Variants in GLRA3 observed in about 807,000 individuals in gnomAD.
GLRA3 encodes the protein glycine receptor alpha 3.
In GLRA3, 44 loss-of-function variants were observed where a neutral mutation model predicts 60.4. That is an observed-to-expected ratio of 0.73 (90% CI 0.57 to 0.94). The LOEUF is 0.94. Among genes scored for constraint, GLRA3 ranks in the 40% least tolerant of loss-of-function variants. The pLI is 0.00. For synonymous variants in GLRA3, 223 were observed against 192.9 expected (o/e 1.16, Z -1.29); for missense variants, 508 against 564.6 (o/e 0.90, Z 1.02).
chr4:174,717,352 AAAG>A (rs1479409760), intron 4 of GLRA3, among the ~76,000 whole-genome samples: 1 of 133,536 alleles, frequency 7.5e-6, no homozygotes, highest in Non-Finnish European at 1.7e-5. Flanking sequence ...AGGAGGGAGG[AAAG>A]AAAGAAGGAA....
Position 174,640,488 on chromosome 4 carries a change from C to G in GLRA3, c.*3298G>C, listed in dbSNP as rs1390080210. ...TGTTGTGTTGAGAAAAATAGAAAAGCATATTTTAAAAAGTGGAATAAAAAA... is the reference window on the plus strand; with the variant it reads ...TGTTGTGTTGAGAAAAATAGAAAAGGATATTTTAAAAAGTGGAATAAAAAA... On this transcript the variant is annotated 3_prime_UTR_variant, in exon 10 of 10. Coordinates refer to ENST00000274093, the MANE Select transcript of GLRA3 (RefSeq NM_006529.4). The G allele has an allele frequency of 6.6e-6, 1 of 151,846 alleles. No homozygotes were observed. Among genetic ancestry groups the G allele is most frequent in the Non-Finnish European group, 1.5e-5 (1 of 67,934 alleles). The allele number at this position is 151,846 out of a possible 1,614,324, so 9.4% of individuals were successfully genotyped here.
intron 1 of GLRA3, among the ~76,000 whole-genome samples, chr4:174,809,421 A>G (rs960551640): frequency 1.3e-5 from 2 of 152,166 alleles, no homozygotes; most frequent in Non-Finnish European, 2.9e-5. Flanking sequence ...TAATAGTAAG[A>G]AAAATGTGAA....
intron 3 of GLRA3, among the ~76,000 whole-genome samples, chr4:174,739,166 A>G (rs1026108924): frequency 6.6e-6 from 1 of 152,214 alleles, no homozygotes; most frequent in African/African-American, 2.4e-5. Context: ...TCTAAGAAGA[A>G]AACTTAAAAC....
At chr4:174,738,478 C>T (rs2111163158) in intron 3 of GLRA3, among the ~76,000 whole-genome samples, 1 of 152,274 alleles carries the variant, frequency 6.6e-6, no homozygotes, top group Non-Finnish European at 1.5e-5. Flanking sequence ...TGTGTTCTTG[C>T]ATTGCATACA....
chr4:174,711,442 T>C (rs1735714349), intron 5 of GLRA3, among the ~76,000 whole-genome samples: 1 of 107,986 alleles, frequency 9.3e-6, no homozygotes, highest in African/African-American at 2.9e-5. Flanking sequence ...TATATATATA[T>C]ATATTTTTTT....
At chr4:174,719,385 T>C (rs1736056100) in intron 4 of GLRA3, among the ~76,000 whole-genome samples, 1 of 152,222 alleles carries the variant, frequency 6.6e-6, no homozygotes. Context: ...AGAAATGATA[T>C]ATTGCATGCA....
chr4:174,745,760 A>T (rs897997273), intron 3 of GLRA3, among the ~76,000 whole-genome samples: 1 of 151,982 alleles, frequency 6.6e-6, no homozygotes, highest in South Asian at 2.1e-4. Flanking sequence ...TAATATTTGG[A>T]CCATATAAGG....
intron 1 of GLRA3, among the ~76,000 whole-genome samples, chr4:174,813,894 C>T (rs1740371698): frequency 6.6e-6 from 1 of 152,164 alleles, no homozygotes; most frequent in South Asian, 2.1e-4. Flanking sequence ...TCTTCTGAAA[C>T]AGATGCCTTG....
intron 5 of GLRA3, among the ~76,000 whole-genome samples, chr4:174,706,730 C>G (rs1735535033): frequency 6.6e-6 from 1 of 151,972 alleles, no homozygotes; most frequent in South Asian, 2.1e-4. Context: ...AAGATGTTTG[C>G]AGATGAGATT....
intron 9 of GLRA3, among the ~76,000 whole-genome samples, chr4:174,652,747 GAATAA>G (rs1733067435): frequency 6.6e-6 from 1 of 152,036 alleles, no homozygotes; most frequent in African/African-American, 2.4e-5. Context: ...TACAGTCATT[GAATAA>G]AATTGCTTCA....
At chr4:174,763,968 A>G (rs180692366) in intron 3 of GLRA3, among the ~76,000 whole-genome samples, 82 of 152,286 alleles carry the variant, frequency 5.4e-4, no homozygotes, top group Non-Finnish European at 1.0e-3. Context: ...TAAAATGCTC[A>G]TAATATTTGT....
chr4:174,754,515 T>C (rs898960528), intron 3 of GLRA3, among the ~76,000 whole-genome samples: 3 of 152,130 alleles, frequency 2.0e-5, no homozygotes, highest in East Asian at 3.8e-4. Context: ...AGAACTGAAA[T>C]AGCATCAATC....
rs1352804 is a variant in GLRA3, at chr4:174,764,740, C to G, written c.267+2223G>C. Among the ~76,000 whole-genome samples the G allele has an allele frequency of 2.0e-5, 3 of 151,720 alleles. No individual in the cohort carries two copies. The East Asian group carries it at 5.8e-4, about 29-fold the overall frequency. On this transcript the variant is annotated intron_variant, in intron 3 of 9. Coordinates refer to ENST00000274093, the MANE Select transcript of GLRA3 (RefSeq NM_006529.4). Reference sequence around the variant, plus strand: ...CTGTGAATAAAATACAACAACTTAACCAAGTGGGAGCAAAACATTTTATGA... The same window carrying G: ...CTGTGAATAAAATACAACAACTTAAGCAAGTGGGAGCAAAACATTTTATGA...
intron 4 of GLRA3, 56 bp from the exon 5 acceptor site, chr4:174,715,626 T>C: frequency 1.2e-6 from 1 of 808,794 alleles, no homozygotes; most frequent in South Asian, 1.6e-5. Context: ...ATTAATATTC[T>C]ATTGTACAGG....
intron 3 of GLRA3, among the ~76,000 whole-genome samples, chr4:174,733,812 G>GT (rs1452716813): frequency 2.0e-5 from 3 of 152,126 alleles, no homozygotes; most frequent in Non-Finnish European, 4.4e-5. Flanking sequence ...TCTAGGACCC[G>GT]TGAGTATAAT....
intron 3 of GLRA3, among the ~76,000 whole-genome samples, chr4:174,755,047 C>A (rs1737638111): frequency 6.6e-6 from 1 of 152,062 alleles, no homozygotes; most frequent in Non-Finnish European, 1.5e-5. Context: ...CAATTAGCTG[C>A]TTAATTCATA....
At chr4:174,648,737 A>T (rs191876342) in intron 9 of GLRA3, among the ~76,000 whole-genome samples, 1 of 152,220 alleles carries the variant, frequency 6.6e-6, no homozygotes, top group East Asian at 1.9e-4. Context: ...TAACTCTTGG[A>T]GCTACTACAC....
intron 7 of GLRA3, among the ~76,000 whole-genome samples, chr4:174,662,836 TC>T (rs33949800): frequency 0.27 from 37,040 of 137,418 alleles, 4,909 homozygotes; most frequent in Admixed American, 0.4. Context: ...TTTTTTTTTT[TC>T]TTTTTTTTTT....
rs906549822 is a variant in GLRA3, at chr4:174,691,420, C to T, written c.575-8481G>A. Among the ~76,000 whole-genome samples the T allele has an allele frequency of 7.2e-5, 11 of 152,154 alleles. No individual in the cohort carries two copies. The East Asian group carries it at 9.7e-4, about 13-fold the overall frequency. On this transcript the variant is annotated intron_variant, in intron 5 of 9. Coordinates refer to ENST00000274093, the MANE Select transcript of GLRA3 (RefSeq NM_006529.4). ...CGGTCTCCCTCTCCCTCTCTTTCCA[C>T]GGTCTCCCTCTGATGCCCAGCCAAA... is the stretch of plus-strand genomic sequence containing the variant.
Sources: gnomAD v4.1 joint callset for allele counts (sites outside exome capture counted in the v4.1 genomes callset) on GRCh38, gnomAD v4.1.1 for gene constraint, MANE v1.5 for transcripts, NCBI Gene and HGNC (gene_info 2026-07-23, HGNC 2026-07-21) for gene names.